Variants in SH2B3 observed in about 807,000 individuals in gnomAD.
The protein encoded by SH2B3 is SH2B adapter protein 3.
Under a neutral mutation model 51.9 loss-of-function variants are expected in SH2B3, and 43 were observed. The ratio of observed to expected loss-of-function variants is 0.83; its 90% CI spans 0.65 to 1.07. The LOEUF (loss-of-function observed/expected upper bound fraction) is 1.07. SH2B3 is among the 50% of genes least tolerant of loss of function. The pLI, the probability that SH2B3 is intolerant of heterozygous loss-of-function variation, is 0.00. For synonymous variants in SH2B3, 396 were observed against 376.0 expected (o/e 1.05, Z -0.62); for missense variants, 952 against 834.3 (o/e 1.14, Z -1.74).
chr12:111,435,772 G>A lies in SH2B3; in HGVS notation c.733-10981G>A, dbSNP rs1345368772. ...GGGGCGTCCATGGCCTTGTGGTGGC[G>A]AGGCGCAGAAGGCGTCACCTGAAAA... On this transcript the variant is annotated intron_variant, in intron 2 of 7. Coordinates refer to ENST00000341259, the MANE Select transcript of SH2B3 (RefSeq NM_005475.3). The surrounding 1 kb of genome is among the most constrained non-coding windows in gnomAD (Gnocchi z 4.8). Among the ~76,000 whole-genome samples the A allele has an allele frequency of 1.3e-5, 2 of 152,316 alleles. No individual in the cohort carries two copies. Among genetic ancestry groups the A allele is most frequent in the Middle Eastern group, 3.4e-3 (1 of 294 alleles).
intron 2 of SH2B3, among the ~76,000 whole-genome samples, chr12:111,426,212 T>G (rs1871982495): frequency 6.6e-6 from 1 of 151,980 alleles, no homozygotes; most frequent in South Asian, 2.1e-4. Context: ...ACTTACAACC[T>G]GCCTCCCTCA....
rs770748289 is a variant in SH2B3 at position 111,418,604 on chromosome 12, G to A, written c.459G>A (p.Glu153=). ...TCTTCCGCCGCCGCTCGGCCGGGGA[G>A]CTGCCAGCGGCCCACACCGCTGCCG... is the stretch of plus-strand genomic sequence containing the variant. ...RHIFRRRSAG[E]LPAAHTAAAP... Residue 153 remains glutamate, a synonymous_variant, in exon 2 of 8, where the codon GAG becomes GAA. Coordinates refer to ENST00000341259, the MANE Select transcript of SH2B3 (RefSeq NM_005475.3). The surrounding 1 kb of genome is among the most constrained non-coding windows in gnomAD (Gnocchi z 6.7). The A allele has an allele frequency of 2.0e-6, 3 of 1,489,804 alleles. No homozygotes were observed. The highest frequency in any genetic ancestry group is 2.7e-6 in the Non-Finnish European group (3 of 1,128,112). The allele number at this position is 1,489,804 out of a possible 1,614,324, so 92.3% of individuals were successfully genotyped here. A position where few individuals can be genotyped will look rare whatever the true frequency, so the allele number is the denominator to read the frequency against.
intron 2 of SH2B3, among the ~76,000 whole-genome samples, chr12:111,425,636 G>A (rs543844940): frequency 6.6e-6 from 1 of 152,288 alleles, no homozygotes; most frequent in Admixed American, 6.5e-5. Context: ...TTTACATTAA[G>A]AGCAGTGGGA....
chr12:111,413,486 A>G (rs1000168214), intron 1 of SH2B3, among the ~76,000 whole-genome samples: 1 of 152,310 alleles, frequency 6.6e-6, no homozygotes, highest in African/African-American at 2.4e-5. Flanking sequence ...AAGGGGCCCA[A>G]TGAGGGGGGT....
intron 2 of SH2B3, among the ~76,000 whole-genome samples, chr12:111,441,427 G>A (rs1057118231): frequency 1.3e-5 from 2 of 151,912 alleles, no homozygotes; most frequent in Non-Finnish European, 1.5e-5. Flanking sequence ...TGGAAGAGAA[G>A]GCAGAGTTGG....
chr12:111,418,046 G>A lies in SH2B3; in HGVS notation c.-27-73G>A. On this transcript the variant is annotated intron_variant, in intron 1 of 7. Coordinates refer to ENST00000341259, the MANE Select transcript of SH2B3 (RefSeq NM_005475.3). The surrounding 1 kb of genome is among the most constrained non-coding windows in gnomAD (Gnocchi z 6.7). ...CGTTGGATTTCTGCTGTGGTGCCCG[G>A]TGTGTAATGGGGCCTACACCTGCTT... The A allele has an allele frequency of 8.8e-7, 1 of 1,134,254 alleles. No homozygotes were observed. The highest frequency in any genetic ancestry group is 1.2e-6 in the Non-Finnish European group (1 of 827,678). The allele number at this position is 1,134,254 out of a possible 1,614,324, so 70.3% of individuals were successfully genotyped here.
rs1480797618 is a variant in SH2B3, at chr12:111,410,370, C to A, written c.-28+4093C>A. Among the ~76,000 whole-genome samples, 1 of 152,148 alleles carries A rather than the reference C, an allele frequency of 6.6e-6. No individual in the cohort carries two copies. The highest frequency in any genetic ancestry group is 1.9e-4 in the East Asian group (1 of 5,190). On this transcript the variant is annotated intron_variant, in intron 1 of 7. Coordinates refer to ENST00000341259, the MANE Select transcript of SH2B3 (RefSeq NM_005475.3). The surrounding 1 kb of genome is among the most constrained non-coding windows in gnomAD (Gnocchi z 4.9). ...TCCCTCCTGATGTCCCCAAGTAGCACGTGGGGAGGAGGTTCACCCACAGGC... is the reference window on the plus strand; with the variant it reads ...TCCCTCCTGATGTCCCCAAGTAGCAAGTGGGGAGGAGGTTCACCCACAGGC...
At chr12:111,444,855 C>T (rs947336718) in intron 2 of SH2B3, 2 of 985,582 alleles carry the variant, frequency 2.0e-6, no homozygotes, top group Admixed American at 1.2e-4. Flanking sequence ...ACCCATACCA[C>T]CAGGTAGCTG....
rs1349191768 is a variant in SH2B3 at position 111,451,147 on chromosome 12, C to T, written c.*2845C>T. 6.5e-6 allele frequency: 1 copy of T among 152,676 alleles called. No individual in the cohort carries two copies. The highest frequency in any genetic ancestry group is 1.9e-4 in the East Asian group (1 of 5,206). 9.5% of individuals were successfully genotyped at this position (152,676 alleles called of 1,614,324 possible). A position where few individuals can be genotyped will look rare whatever the true frequency, so the allele number is the denominator to read the frequency against. On this transcript the variant is annotated 3_prime_UTR_variant, in exon 8 of 8. Coordinates refer to ENST00000341259, the MANE Select transcript of SH2B3 (RefSeq NM_005475.3). Reference sequence around the variant, plus strand: ...CTGCCTTGAATTTTAGACCAGCAATCCATATGGCTTTATCTGGTATAAATC... The same window carrying T: ...CTGCCTTGAATTTTAGACCAGCAATTCATATGGCTTTATCTGGTATAAATC...
At position 111,429,522 on chromosome 12, in the gene SH2B3, C is replaced by T. The variant is rs1009636171; in HGVS notation, c.732+10645C>T. On this transcript the variant is annotated intron_variant, in intron 2 of 7. Transcript: ENST00000341259. The surrounding 1 kb of genome is among the most constrained non-coding windows in gnomAD (Gnocchi z 4.4). Reference sequence around the variant, plus strand: ...AATTTTTCTGTATTATTAGTAGAGACGCGGTTTCGCCATGTTGGCCAGGCT... The same window carrying T: ...AATTTTTCTGTATTATTAGTAGAGATGCGGTTTCGCCATGTTGGCCAGGCT... Among the ~76,000 whole-genome samples the T allele has an allele frequency of 4.6e-5, 7 of 152,098 alleles. No individual in the cohort carries two copies. The highest frequency in any genetic ancestry group is 8.8e-5 in the Non-Finnish European group (6 of 68,028).
At position 111,418,852 on chromosome 12, in the gene SH2B3, TGCTG is replaced by T; in HGVS notation, c.709_712del (p.Leu237SerfsTer40). ...CCGGGCCCCGATGGCCCCGACCGCG[TGCTG>T]GAGCTCTTCGACCCACCCAAGGTAA... On this transcript the variant is annotated frameshift_variant, in exon 2 of 8. Transcript: ENST00000341259. LOFTEE classifies it high-confidence loss of function. The surrounding 1 kb of genome is among the most constrained non-coding windows in gnomAD (Gnocchi z 6.7). 7.1e-7 allele frequency: 1 copy of T among 1,416,278 alleles called. No individual in the cohort carries two copies. The highest frequency in any genetic ancestry group is 1.5e-5 in the South Asian group (1 of 66,490). 87.7% of individuals were successfully genotyped at this position (1,416,278 alleles called of 1,614,324 possible).
At chr12:111,422,999 G>A (rs763011965) in intron 2 of SH2B3, among the ~76,000 whole-genome samples, 7 of 152,026 alleles carry the variant, frequency 4.6e-5, no homozygotes, top group Admixed American at 1.3e-4. Flanking sequence ...GCCTGGCCAG[G>A]AGGTCACTTA....
chr12:111,440,175 A>T (rs79065604), intron 2 of SH2B3, among the ~76,000 whole-genome samples: 3,441 of 152,280 alleles, frequency 0.023, 60 homozygotes, highest in South Asian at 0.072. Flanking sequence ...AGAAGGTCAT[A>T]GAAGCACCCT....
intron 2 of SH2B3, among the ~76,000 whole-genome samples, chr12:111,436,650 C>T (rs976368624): frequency 1.3e-5 from 2 of 152,050 alleles, no homozygotes; most frequent in African/African-American, 4.8e-5. Flanking sequence ...GTGTGAAGGT[C>T]TTCCTCTGGG....
At chr12:111,432,267 G>A in intron 2 of SH2B3, among the ~76,000 whole-genome samples, 1 of 152,070 alleles carries the variant, frequency 6.6e-6, no homozygotes, top group Non-Finnish European at 1.5e-5. Flanking sequence ...GGCCAGGCTG[G>A]TCTCGAACTC....
rs774265976 is a variant in SH2B3 at position 111,447,841 on chromosome 12, G to T, written c.1408+14G>T. The T allele has an allele frequency of 1.2e-6, 2 of 1,609,596 alleles. No individual in the cohort carries two copies. Among genetic ancestry groups the T allele is most frequent in the Non-Finnish European group, 1.7e-6 (2 of 1,176,536 alleles). ...CCCAACCACCAGGTCTGACCCTACT[G>T]CCCTTTGCTGAAGGGGGTGGCTGAC... On this transcript the variant is annotated intron_variant, in intron 7 of 7. Transcript: ENST00000341259.
In SH2B3 at chr12:111,449,797, A is replaced by C. The variant is rs1045805941; in HGVS notation, c.*1495A>C. 1.3e-5 allele frequency: 2 copies of C among 152,192 alleles called. No homozygotes were observed. Among genetic ancestry groups the C allele is most frequent in the Non-Finnish European group, 2.9e-5 (2 of 68,046 alleles). 9.4% of individuals were successfully genotyped at this position (152,192 alleles called of 1,614,324 possible). A position where few individuals can be genotyped will look rare whatever the true frequency, so the allele number is the denominator to read the frequency against. ...CCTCAGCCTAAAACTCATAGGACTG[A>C]CTGCCTGGGAGGAGGGTTAGGTCTG... On this transcript the variant is annotated 3_prime_UTR_variant, in exon 8 of 8. Transcript: ENST00000341259.
chr12:111,448,133 C>T lies in SH2B3; in HGVS notation c.1559C>T (p.Ser520Leu). The T allele has an allele frequency of 6.2e-7, 1 of 1,614,156 alleles. No individual in the cohort carries two copies. The change falls in exon 8 of 8, where the codon TCA becomes TTA. Residue 520 changes from serine to leucine, a missense_variant. Transcript: ENST00000341259. ...CCAGAGGGTCTCCCAGGGCGATCCT[C>T]ACCCCCCGAGCAGATCTTCCACCTG... ...LSPEGLPGRS[S>L]PPEQIFHLVP...
rs972631556 is a variant in SH2B3, at chr12:111,448,615, A to C, written c.*313A>C. On this transcript the variant is annotated 3_prime_UTR_variant, in exon 8 of 8. Coordinates refer to ENST00000341259, the MANE Select transcript of SH2B3 (RefSeq NM_005475.3). ...AGAGAAAGGAGTTGGGGTGAGGGCC[A>C]GAGCTGGCAGTGGAAACTTGTTCTC... 5 of 296,806 alleles carry C rather than the reference A, an allele frequency of 1.7e-5. No homozygotes were observed. Among genetic ancestry groups the C allele is most frequent in the Non-Finnish European group, 3.2e-5 (5 of 158,176 alleles). 18.4% of individuals were successfully genotyped at this position (296,806 alleles called of 1,614,324 possible). A position where few individuals can be genotyped will look rare whatever the true frequency, so the allele number is the denominator to read the frequency against.
Sources: allele counts gnomAD v4.1 joint callset (sites outside exome capture counted in the v4.1 genomes callset), GRCh38; gene constraint gnomAD v4.1.1; non-coding constraint Gnocchi (gnomAD v3.1); transcripts MANE v1.5; gene names NCBI Gene and HGNC (gene_info 2026-07-23, HGNC 2026-07-21).